Variants in PLAU observed in about 807,000 individuals in gnomAD.
PLAU encodes the protein plasminogen activator, urokinase, also known as urokinase-type plasminogen activator.
PLAU carries 32 observed loss-of-function variants against 48.9 expected under a neutral mutation model. That is an observed-to-expected ratio of 0.65 (90% CI 0.49 to 0.88). The LOEUF is 0.88. Ranked by LOEUF, PLAU falls within the 40% of genes least tolerant of loss-of-function variation. The probability of loss-of-function intolerance (pLI) is 0.00; values close to 1 mark genes in which losing one functional copy is unlikely to be tolerated. For missense variants in PLAU, 455 were observed against 545.2 expected (o/e 0.83, Z 1.65); for synonymous variants, 199 against 205.7 (o/e 0.97, Z 0.28).
rs376373742 is a variant in PLAU, at chr10:73,913,741, C to T, written c.663C>T (p.Ser221=). ...GSLISPCWVI[S]ATHCFIDYPK... is the part of the protein sequence containing the mutation. ...TCATCAGCCCTTGCTGGGTGATCAG[C>T]GCCACACACTGCTTCATGTACGGCC... is the stretch of plus-strand genomic sequence containing the variant. Residue 221 remains serine (S), a synonymous_variant, in exon 7 of 11, where the codon AGC becomes AGT. Coordinates refer to ENST00000372764, the MANE Select transcript of PLAU (RefSeq NM_002658.6). 43 of 1,599,112 alleles carry T rather than the reference C, an allele frequency of 2.7e-5. 1 individual carries two copies. The highest frequency in any genetic ancestry group is 1.1e-4 in the South Asian group (10 of 89,848).
At chr10:73,908,904 G>A (rs1229744144), upstream of PLAU, among the ~76,000 whole-genome samples, 1 of 151,126 alleles carries the variant, frequency 6.6e-6, no homozygotes, top group South Asian at 2.1e-4. Flanking sequence ...GCTCATGCCT[G>A]TAATCCCAGC....
rs751542437 is a variant in PLAU at position 73,911,917 on chromosome 10, A to G, written c.58-124A>G. Reference sequence around the variant, plus strand: ...ATGGTCTTCCATTTGAGAACTAGATACGAACAGGGTGAGGCGAGAGGGAGA... The same window carrying G: ...ATGGTCTTCCATTTGAGAACTAGATGCGAACAGGGTGAGGCGAGAGGGAGA... On this transcript the variant is annotated intron_variant, in intron 2 of 10. Transcript: ENST00000372764. The G allele has an allele frequency of 3.1e-6, 5 of 1,594,186 alleles. No homozygotes were observed. In the East Asian group the frequency reaches 9.1e-5, roughly 29 times the overall value.
chr10:73,911,011 T>G (rs1443561789), upstream of PLAU: 1 of 154,256 alleles, frequency 6.5e-6, no homozygotes, highest in African/African-American at 2.4e-5. Flanking sequence ...TTGTGAGCGT[T>G]GCGGAAGCAC....
chr10:73,909,089 G>C (rs2096119922), upstream of PLAU: 1 of 152,330 alleles, frequency 6.6e-6, no homozygotes, highest in African/African-American at 2.4e-5. Context: ...GCACGGGGGA[G>C]GAGGGGGCGG....
In PLAU at chr10:73,913,986, C is replaced by T. The variant is rs776620539; in HGVS notation, c.687C>T (p.Tyr229=). The change falls in exon 8 of 11, where the codon TAC becomes TAT. Residue 229 remains tyrosine, a synonymous_variant. Coordinates refer to ENST00000372764, the MANE Select transcript of PLAU (RefSeq NM_002658.6). ...TGGGTATCTTCTCCCACAGTGATTA[C>T]CCAAAGAAGGAGGACTACATCGTCT... The part of the protein sequence containing the change: ...VISATHCFID[Y]PKKEDYIVYL... 5 of 1,613,330 alleles carry T rather than the reference C, an allele frequency of 3.1e-6. No individual in the cohort carries two copies. The South Asian group carries it at 5.5e-5, about 18-fold the overall frequency.
chr10:73,913,335 C>A lies in PLAU; in HGVS notation c.414C>A (p.Gly138=). Residue 138 remains glycine, a synonymous_variant, in exon 6 of 11, where the codon GGC becomes GGA. Coordinates refer to ENST00000372764, the MANE Select transcript of PLAU (RefSeq NM_002658.6). ...GACCCTGGTGCTATGTGCAGGTGGG[C>A]CTAAAGCTGCTTGTCCAAGAGTGCA... The part of the protein sequence containing the change: ...RRRPWCYVQV[G]LKLLVQECMV... The A allele has an allele frequency of 6.2e-7, 1 of 1,614,126 alleles. No individual in the cohort carries two copies. The highest frequency in any genetic ancestry group is 8.5e-7 in the Non-Finnish European group (1 of 1,180,018).
intron 9 of PLAU, 40 bp from the exon 10 acceptor site, chr10:73,915,211 T>C: frequency 6.3e-7 from 1 of 1,590,930 alleles, no homozygotes; most frequent in Admixed American, 1.8e-5. Flanking sequence ...AGTGGACAGA[T>C]AAATCTTGAT....
Position 73,915,251 on chromosome 10 carries a change from C to T in PLAU, c.971C>T (p.Thr324Ile). ...EITGFGKENS[T>I]DYLYPEQLKM... ...ACGCCTCCCTGTTTTCTCCACCTAG[C>T]CGACTATCTCTATCCGGAGCAGCTG... Residue 324 changes from threonine to isoleucine, a missense_variant and splice_region_variant, in exon 10 of 11, where the codon ACC becomes ATC. Thr to Ile is a moderately conservative substitution (Grantham distance 89, BLOSUM62 -1). Coordinates refer to ENST00000372764, the MANE Select transcript of PLAU (RefSeq NM_002658.6). The T allele has an allele frequency of 6.2e-7, 1 of 1,609,600 alleles. No individual in the cohort carries two copies. The highest frequency in any genetic ancestry group is 2.2e-5 in the East Asian group (1 of 44,868).
At chr10:73,913,836 TC>T (rs1358598274) in intron 7 of PLAU, 78 bp downstream of exon 7, 1 of 1,411,648 alleles carries the variant, frequency 7.1e-7, no homozygotes, top group East Asian at 2.3e-5. Context: ...AGCAAAGTGT[TC>T]CGCCTCATTT....
intron 4 of PLAU, among the ~76,000 whole-genome samples, 194 bp downstream of exon 4, chr10:73,912,516 C>T (rs568507000): frequency 6.6e-6 from 1 of 152,222 alleles, no homozygotes; most frequent in African/African-American, 2.4e-5. Context: ...GGAAGGAGAC[C>T]CTGTCCAGTC....
rs756485791 is a variant in PLAU, at chr10:73,912,942, A to G, written c.212A>G (p.Tyr71Cys). 6.2e-7 allele frequency: 1 copy of G among 1,613,060 alleles called. No homozygotes were observed. The highest frequency in any genetic ancestry group is 8.5e-7 in the Non-Finnish European group (1 of 1,179,560). The change falls in exon 5 of 11, where the codon TAT becomes TGT. Residue 71 changes from tyrosine (Y) to cysteine (C), a missense_variant. Physicochemically the swap from Tyr to Cys is radical, Grantham distance 194. Transcript: ENST00000372764. ...CTTGTAGATAAGTCAAAAACCTGCT[A>G]TGAGGGGAATGGTCACTTTTACCGA... ...HCEIDKSKTC[Y>C]EGNGHFYRGK... is the part of the protein sequence containing the mutation.
chr10:73,913,878 A>T (rs148995703), intron 7 of PLAU, 102 bp from the exon 8 acceptor site: 7 of 1,399,136 alleles, frequency 5.0e-6, no homozygotes, highest in Non-Finnish European at 6.0e-6. Context: ...CATGCAGCCC[A>T]TGGCCTTGGG....
At position 73,913,042 on chromosome 10, in the gene PLAU, C is replaced by A. The variant is rs1468547446; in HGVS notation, c.312C>A (p.Tyr104Ter). Reference sequence around the variant, plus strand: ...CTGCCACTGTCCTTCAGCAAACGTACCATGCCCACAGATCTGATGCTCTTC... The same window carrying A: ...CTGCCACTGTCCTTCAGCAAACGTAACATGCCCACAGATCTGATGCTCTTC... ...WNSATVLQQTYHAHRSDALQL... is the reference protein window; with the variant it reads ...WNSATVLQQT Residue 104 changes from tyrosine to a stop codon, truncating the protein, a stop_gained, in exon 5 of 11, where the codon TAC (tyrosine) becomes TAA (stop). Coordinates refer to ENST00000372764, the MANE Select transcript of PLAU (RefSeq NM_002658.6). LOFTEE classifies it high-confidence loss of function. 1.9e-6 allele frequency: 3 copies of A among 1,614,024 alleles called. No homozygotes were observed. The highest frequency in any genetic ancestry group is 2.7e-5 in the African/African-American group (2 of 74,908).
intron 2 of PLAU, 126 bp downstream of exon 2, chr10:73,911,738 A>G: frequency 6.4e-7 from 1 of 1,554,642 alleles, no homozygotes; most frequent in Non-Finnish European, 8.7e-7. Flanking sequence ...GACTCTCCCC[A>G]GGAAATGGGA....
In PLAU at chr10:73,916,421, C is replaced by T. The variant is rs367917192; in HGVS notation, c.1152C>T (p.Leu384=). 1 of 1,613,486 alleles carries T rather than the reference C, an allele frequency of 6.2e-7. No homozygotes were observed. Among genetic ancestry groups the T allele is most frequent in the African/African-American group, 1.3e-5 (1 of 74,922 alleles). The change falls in exon 11 of 11, where the codon CTC becomes CTT. Residue 384 remains leucine, a synonymous_variant. Coordinates refer to ENST00000372764, the MANE Select transcript of PLAU (RefSeq NM_002658.6). ...GDSGGPLVCS[L]QGRMTLTGIV... ...CAGGGGGACCCCTCGTCTGTTCCCT[C>T]CAAGGCCGCATGACTTTGACTGGAA... is the stretch of plus-strand genomic sequence containing the variant.
At position 73,915,315 on chromosome 10, in the gene PLAU, T is replaced by G; in HGVS notation, c.1035T>G (p.Cys345Trp). The G allele has an allele frequency of 6.2e-7, 1 of 1,613,904 alleles. No individual in the cohort carries two copies. The highest frequency in any genetic ancestry group is 8.5e-7 in the Non-Finnish European group (1 of 1,179,882). The change falls in exon 10 of 11, where the codon TGT (cysteine) becomes TGG (tryptophan). Residue 345 changes from cysteine to tryptophan, a missense_variant. Transcript: ENST00000372764. Reference protein sequence around the residue: ...TVVKLISHRECQQPHYYGSEV... With the variant: ...TVVKLISHREWQQPHYYGSEV... ...TGAAGCTGATTTCCCACCGGGAGTG[T>G]CAGCAGCCCCACTACTACGGCTCTG...
chr10:73,910,566 T>C (rs1373121237), upstream of PLAU: 1 of 152,228 alleles, frequency 6.6e-6, no homozygotes, highest in African/African-American at 2.4e-5. Flanking sequence ...CCGGCTTTGT[T>C]CCATCCACTG....
upstream of PLAU, chr10:73,909,431 C>T (rs912597926): frequency 4.6e-5 from 7 of 152,262 alleles, no homozygotes; most frequent in African/African-American, 1.7e-4. Context: ...CCTATAGCAT[C>T]GCTGACTCAG....
chr10:73,915,546 T>C (rs986303860), intron 10 of PLAU, 147 bp downstream of exon 10: 1 of 704,924 alleles, frequency 1.4e-6, no homozygotes, highest in African/African-American at 1.8e-5. Context: ...TTTAAACCAG[T>C]CCTTATGTGT....
Sources: allele counts gnomAD v4.1 joint callset (sites outside exome capture counted in the v4.1 genomes callset), GRCh38; gene constraint gnomAD v4.1.1; transcripts MANE v1.5; gene names NCBI Gene and HGNC (gene_info 2026-07-23, HGNC 2026-07-21).